Variants in AK8 observed in about 807,000 individuals in gnomAD.
AK8 encodes the protein adenylate kinase 8.
In AK8, 44 loss-of-function variants were observed where a neutral mutation model predicts 54.6. The observed-to-expected ratio is 0.81, with a 90% CI of 0.63 to 1.04. The LOEUF (loss-of-function observed/expected upper bound fraction) is 1.04, where lower values mean the gene tolerates loss of function less well. Among genes scored for constraint, AK8 ranks in the 50% least tolerant of loss-of-function variants. The pLI is 0.00. For missense variants in AK8, 555 were observed against 613.6 expected (o/e 0.90, Z 1.01); for synonymous variants, 239 against 245.6 (o/e 0.97, Z 0.25).
chr9:132,815,548 G>A (rs1399064325), intron 9 of AK8, among the ~76,000 whole-genome samples: 5 of 150,686 alleles, frequency 3.3e-5, no homozygotes, highest in Middle Eastern at 3.4e-3. Flanking sequence ...GCAAGACTCC[G>A]TTTCAAAAAA....
At chr9:132,833,330 T>G (rs1158331123) in intron 5 of AK8, among the ~76,000 whole-genome samples, 1 of 152,180 alleles carries the variant, frequency 6.6e-6, no homozygotes, top group Non-Finnish European at 1.5e-5. Context: ...AAGCAAGAAG[T>G]CATAAATCAG....
In AK8 at chr9:132,840,406, TCACACACACACACACACACACA is replaced by T. The variant is rs55856402; in HGVS notation, c.403-11702_403-11681del. ...GTGGGACTCAATCCCAAGTGGACAC[TCACACACACACACACACACACA>T]CACACACACACACACACACAAGGCA... On this transcript the variant is annotated intron_variant, in intron 5 of 12. Coordinates refer to ENST00000298545, the MANE Select transcript of AK8 (RefSeq NM_152572.3). Among the ~76,000 whole-genome samples the T allele has an allele frequency of 2.8e-5, 4 of 143,136 alleles. No individual in the cohort carries two copies. The South Asian group carries it at 7.1e-4, about 25-fold the overall frequency. 93.9% of individuals were successfully genotyped at this position (143,136 alleles called of 152,430 possible).
chr9:132,824,566 C>T (rs919688993), intron 8 of AK8, among the ~76,000 whole-genome samples: 20 of 152,204 alleles, frequency 1.3e-4, no homozygotes, highest in Middle Eastern at 3.2e-3. Context: ...TGAGAAGCAT[C>T]CCTGGCCTCT....
chr9:132,743,073 G>A (rs11243898), intron 11 of AK8, among the ~76,000 whole-genome samples: 62,227 of 152,210 alleles, frequency 0.41, 12,979 homozygotes, highest in Admixed American at 0.55. Context: ...CTGGCTGCGT[G>A]TGTAGCTTTA....
At chr9:132,757,893 G>A (rs1242869869) in intron 11 of AK8, among the ~76,000 whole-genome samples, 3 of 152,204 alleles carry the variant, frequency 2.0e-5, no homozygotes. Context: ...TAAGTTTCAT[G>A]ATGATAAACA....
rs1431986487 is a variant in AK8 at position 132,790,878 on chromosome 9, T to C, written c.1121+1756A>G. Among the ~76,000 whole-genome samples the C allele has an allele frequency of 6.6e-6, 1 of 152,148 alleles. No homozygotes were observed. The highest frequency in any genetic ancestry group is 2.4e-5 in the African/African-American group (1 of 41,436). On this transcript the variant is annotated intron_variant, in intron 11 of 12. Transcript: ENST00000298545. This position sits in a 1 kb window ranked among gnomAD's most constrained non-coding sequence, Gnocchi z 4.1. ...TAAGCCAAAATCAATGTCTTTTGTATACTCTTGAAAAACCCCCTTAGAAAA... is the reference window on the plus strand; with the variant it reads ...TAAGCCAAAATCAATGTCTTTTGTACACTCTTGAAAAACCCCCTTAGAAAA...
At chr9:132,829,092 G>C (rs1375730528) in intron 5 of AK8, among the ~76,000 whole-genome samples, 1 of 151,976 alleles carries the variant, frequency 6.6e-6, no homozygotes, top group Non-Finnish European at 1.5e-5. Context: ...AAGTAGCTGG[G>C]ATTATAAGCA....
At chr9:132,734,341 G>A (rs758872534) in intron 11 of AK8, among the ~76,000 whole-genome samples, 1 of 152,148 alleles carries the variant, frequency 6.6e-6, no homozygotes, top group Non-Finnish European at 1.5e-5. Flanking sequence ...ATCCTTGGCC[G>A]CACCCTGAAG....
intron 11 of AK8, among the ~76,000 whole-genome samples, chr9:132,763,454 C>T (rs1838577823): frequency 6.6e-6 from 1 of 152,188 alleles, no homozygotes; most frequent in South Asian, 2.1e-4. Flanking sequence ...CCTAAGGCTG[C>T]CATCTTACAT....
intron 11 of AK8, among the ~76,000 whole-genome samples, chr9:132,761,469 G>T (rs894183175): frequency 6.6e-6 from 1 of 152,004 alleles, no homozygotes; most frequent in Non-Finnish European, 1.5e-5. Flanking sequence ...CGCCATGTTG[G>T]CAAGTCTGGT....
At chr9:132,810,504 T>C (rs1005205370) in intron 10 of AK8, among the ~76,000 whole-genome samples, 3 of 152,228 alleles carry the variant, frequency 2.0e-5, no homozygotes, top group Non-Finnish European at 2.9e-5. Context: ...AGCAAATTCA[T>C]TTCTGTCTCT....
rs1202430796 is a variant in AK8, at chr9:132,781,517, C to T, written c.1121+11117G>A. Among the ~76,000 whole-genome samples the T allele has an allele frequency of 6.6e-6, 1 of 152,010 alleles. No homozygotes were observed. The highest frequency in any genetic ancestry group is 1.5e-5 in the Non-Finnish European group (1 of 68,012). ...CCAATACACTGAGTAGCTTACCCTTCCCCGATAACTCTATTTACTAGTGTG... is the reference window on the plus strand; with the variant it reads ...CCAATACACTGAGTAGCTTACCCTTTCCCGATAACTCTATTTACTAGTGTG... On this transcript the variant is annotated intron_variant, in intron 11 of 12. Coordinates refer to ENST00000298545, the MANE Select transcript of AK8 (RefSeq NM_152572.3). This position sits in a 1 kb window ranked among gnomAD's most constrained non-coding sequence, Gnocchi z 4.6.
intron 11 of AK8, among the ~76,000 whole-genome samples, chr9:132,739,401 C>T: frequency 9.0e-6 from 1 of 111,332 alleles, no homozygotes; most frequent in African/African-American, 3.5e-5. Flanking sequence ...GAGATCATGT[C>T]ACTGCATTCC....
At chr9:132,753,700 C>T (rs1838056217) in intron 11 of AK8, among the ~76,000 whole-genome samples, 1 of 152,192 alleles carries the variant, frequency 6.6e-6, no homozygotes, top group Non-Finnish European at 1.5e-5. Context: ...TGAGGGGATC[C>T]CCGCTGTGGA....
At chr9:132,827,866 A>G in intron 7 of AK8, 147 bp downstream of exon 7, 1 of 729,834 alleles carries the variant, frequency 1.4e-6, no homozygotes, top group Non-Finnish European at 2.2e-6. Flanking sequence ...AGTGTCTTCC[A>G]GCTCAGAGCC....
At chr9:132,872,160 C>A (rs1413193982) in intron 2 of AK8, among the ~76,000 whole-genome samples, 1 of 151,832 alleles carries the variant, frequency 6.6e-6, no homozygotes, top group Non-Finnish European at 1.5e-5. Context: ...ATAGTGAAAC[C>A]CCATCTCTAC....
intron 11 of AK8, among the ~76,000 whole-genome samples, chr9:132,757,011 C>G (rs1838216741): frequency 6.6e-6 from 1 of 152,208 alleles, no homozygotes; most frequent in African/African-American, 2.4e-5. Flanking sequence ...ATTTTATGAG[C>G]ACTCTATATC....
intron 11 of AK8, among the ~76,000 whole-genome samples, chr9:132,778,174 C>T (rs1466913067): frequency 1.3e-5 from 2 of 152,172 alleles, no homozygotes; most frequent in Admixed American, 6.5e-5. Context: ...CCATGGCGCA[C>T]ACAGTCAATG....
rs916302847 is a variant in AK8, at chr9:132,791,076, C to T, written c.1121+1558G>A. Among the ~76,000 whole-genome samples the T allele has an allele frequency of 8.5e-5, 13 of 152,278 alleles. No individual in the cohort carries two copies. Among genetic ancestry groups the T allele is most frequent in the African/African-American group, 3.1e-4 (13 of 41,564 alleles). ...GATTGTATTAGTCCGTTTCACACTGCTATAAACAACTACTTGAGACTGGGT... is the reference window on the plus strand; with the variant it reads ...GATTGTATTAGTCCGTTTCACACTGTTATAAACAACTACTTGAGACTGGGT... On this transcript the variant is annotated intron_variant, in intron 11 of 12. Transcript: ENST00000298545. The surrounding 1 kb of genome is among the most constrained non-coding windows in gnomAD (Gnocchi z 4.0).
Sources: allele counts gnomAD v4.1 joint callset (sites outside exome capture counted in the v4.1 genomes callset), GRCh38; gene constraint gnomAD v4.1.1; non-coding constraint Gnocchi (gnomAD v3.1); transcripts MANE v1.5; gene names NCBI Gene and HGNC (gene_info 2026-07-23, HGNC 2026-07-21).